Variants in RCL1 observed in about 807,000 individuals in gnomAD.
RCL1 encodes the protein RNA 3'-terminal phosphate cyclase-like protein.
Under a neutral mutation model 42.4 loss-of-function variants are expected in RCL1, and 24 were observed. The ratio of observed to expected loss-of-function variants is 0.57; its 90% CI spans 0.41 to 0.80. The LOEUF (loss-of-function observed/expected upper bound fraction) is 0.80. Ranked by LOEUF, RCL1 falls within the 30% of genes least tolerant of loss-of-function variation. RCL1 has a pLI of 0.00. For synonymous variants in RCL1, 228 were observed against 177.3 expected, an observed-to-expected ratio of 1.29 and a Z score of -2.27; for missense variants, 578 against 467.9, an observed-to-expected ratio of 1.24 and a Z score of -2.17.
intron 1 of RCL1, among the ~76,000 whole-genome samples, chr9:4,801,374 G>A (rs776697618): frequency 2.6e-5 from 4 of 152,138 alleles, no homozygotes; most frequent in Non-Finnish European, 1.5e-5. Context: ...GTCTCGCTAT[G>A]TTGTCCAGGC....
intron 1 of RCL1, among the ~76,000 whole-genome samples, chr9:4,810,635 T>A (rs936213387): frequency 3.0e-5 from 4 of 132,934 alleles, no homozygotes; most frequent in Non-Finnish European, 6.3e-5. Context: ...AATATTCTTG[T>A]ACAGTCTTTT....
chr9:4,849,225 C>T (rs1234935309), intron 7 of RCL1, among the ~76,000 whole-genome samples: 1 of 145,334 alleles, frequency 6.9e-6, no homozygotes, highest in African/African-American at 2.6e-5. Flanking sequence ...TAGTCTCATT[C>T]TGATAGTCTC....
Position 4,798,148 on chromosome 9 carries a change from C to G in RCL1, c.136+4921C>G, listed in dbSNP as rs144483067. Among the ~76,000 whole-genome samples the G allele has an allele frequency of 5.6e-3, 856 of 152,312 alleles. 7 individuals are homozygous for G. The highest frequency in any genetic ancestry group is 0.018 in the African/African-American group (754 of 41,560). On this transcript the variant is annotated intron_variant, in intron 1 of 8. Coordinates refer to ENST00000381750, the MANE Select transcript of RCL1 (RefSeq NM_005772.5). ...CCAGCTCCTGCCTGAAGGACCTGTT[C>G]TCTCTCATTTCACAGCGTGATGGAC...
intron 3 of RCL1, 183 bp downstream of exon 3, chr9:4,827,216 C>T (rs1816794148): frequency 1.3e-6 from 2 of 1,526,134 alleles, no homozygotes; most frequent in East Asian, 2.5e-5. Flanking sequence ...TTAGGATCAT[C>T]AAATTCAGGA....
At chr9:4,816,711 A>G (rs1219783367) in intron 1 of RCL1, among the ~76,000 whole-genome samples, 1 of 152,196 alleles carries the variant, frequency 6.6e-6, no homozygotes, top group African/African-American at 2.4e-5. Context: ...ATCTGTTCTC[A>G]TTAAATGAGA....
At chr9:4,834,084 C>T (rs1817040381) in intron 4 of RCL1, 57 bp from the exon 5 acceptor site, 2 of 1,575,476 alleles carry the variant, frequency 1.3e-6, no homozygotes, top group South Asian at 1.1e-5. Flanking sequence ...GGCAGGGTGT[C>T]AGGGTAATCC....
chr9:4,809,397 C>A (rs1321046792), intron 1 of RCL1, among the ~76,000 whole-genome samples: 1 of 152,026 alleles, frequency 6.6e-6, no homozygotes, highest in African/African-American at 2.4e-5. Context: ...GCAACCTCCG[C>A]CTCCTGGATT....
chr9:4,813,070 G>A lies in RCL1; in HGVS notation c.137-10478G>A, dbSNP rs371492487. Among the ~76,000 whole-genome samples, 134 of 152,164 alleles carry A rather than the reference G, an allele frequency of 8.8e-4. No individual in the cohort carries two copies. The South Asian group carries it at 0.013, about 14-fold the overall frequency. On this transcript the variant is annotated intron_variant, in intron 1 of 8. Transcript: ENST00000381750. ...TGGATGCCCTTTATTTCTGTGTCTTGCCTAATTGCTTTGGCTAGGATAGGA... is the reference window on the plus strand; with the variant it reads ...TGGATGCCCTTTATTTCTGTGTCTTACCTAATTGCTTTGGCTAGGATAGGA...
intron 7 of RCL1, among the ~76,000 whole-genome samples, chr9:4,847,006 C>T (rs547977200): frequency 4.0e-5 from 6 of 151,762 alleles, no homozygotes. Flanking sequence ...CTGCCTTAGC[C>T]TCCCATGTAG....
At chr9:4,838,451 T>G (rs773141688) in intron 5 of RCL1, among the ~76,000 whole-genome samples, 34 of 152,320 alleles carry the variant, frequency 2.2e-4, no homozygotes, top group South Asian at 1.2e-3. Flanking sequence ...AGCTCATGAT[T>G]TGGTACATGA....
At chr9:4,806,633 CATAT>C (rs1554636379) in intron 1 of RCL1, among the ~76,000 whole-genome samples, 2 of 140,962 alleles carry the variant, frequency 1.4e-5, no homozygotes, top group African/African-American at 5.1e-5. Flanking sequence ...CACACACACA[CATAT>C]ACTTACATAT....
At chr9:4,851,276 A>T (rs1817738980) in intron 8 of RCL1, among the ~76,000 whole-genome samples, 1 of 152,198 alleles carries the variant, frequency 6.6e-6, no homozygotes, top group South Asian at 2.1e-4. Context: ...CACAAATTGT[A>T]AGATGATGTA....
At chr9:4,851,180 G>T (rs1298230256) in intron 8 of RCL1, among the ~76,000 whole-genome samples, 1 of 152,098 alleles carries the variant, frequency 6.6e-6, no homozygotes, top group Non-Finnish European at 1.5e-5. Flanking sequence ...TAATTGTAGT[G>T]TCTTTTCTTC....
At chr9:4,818,574 G>A (rs995906799) in intron 1 of RCL1, among the ~76,000 whole-genome samples, 2 of 152,068 alleles carry the variant, frequency 1.3e-5, no homozygotes, top group Non-Finnish European at 2.9e-5. Context: ...CTTGTCTTCT[G>A]GTTATTCGCT....
At chr9:4,850,217 C>T (rs886803504) in intron 8 of RCL1, 3 of 491,494 alleles carry the variant, frequency 6.1e-6, no homozygotes, top group Non-Finnish European at 1.3e-5. Context: ...CACGTGCTTG[C>T]ATACTTGGAG....
intron 8 of RCL1, among the ~76,000 whole-genome samples, chr9:4,854,026 C>A (rs1428961354): frequency 6.6e-6 from 1 of 152,182 alleles, no homozygotes; most frequent in Non-Finnish European, 1.5e-5. Flanking sequence ...TGAGCTTGCA[C>A]AGTACCACTA....
In RCL1 at chr9:4,835,286, G is replaced by C. The variant is rs557873691; in HGVS notation, c.584+1021G>C. Among the ~76,000 whole-genome samples, 23 of 152,324 alleles carry C rather than the reference G, an allele frequency of 1.5e-4. No individual in the cohort carries two copies. The South Asian group carries it at 4.8e-3, about 32-fold the overall frequency. On this transcript the variant is annotated intron_variant, in intron 5 of 8. Transcript: ENST00000381750. ...TGAAAGCAAGAGTTAAGTAAGGAGG[G>C]AAGTAAGAGTGGGGAAGAGAATAAA...
chr9:4,802,982 G>A (rs1195768104), intron 1 of RCL1, among the ~76,000 whole-genome samples: 1 of 151,450 alleles, frequency 6.6e-6, no homozygotes, highest in East Asian at 1.9e-4. Flanking sequence ...CACCACACTT[G>A]GGTAATTTTT....
At chr9:4,845,666 G>GT (rs1268918035) in intron 7 of RCL1, among the ~76,000 whole-genome samples, 1 of 152,204 alleles carries the variant, frequency 6.6e-6, no homozygotes, top group Non-Finnish European at 1.5e-5. Context: ...TCAAGAAGGT[G>GT]AAACCTTTTC....
Sources: gnomAD v4.1 joint callset for allele counts (sites outside exome capture counted in the v4.1 genomes callset) on GRCh38, gnomAD v4.1.1 for gene constraint, MANE v1.5 for transcripts, NCBI Gene and HGNC (gene_info 2026-07-23, HGNC 2026-07-21) for gene names.